Variants in KIAA0319L observed in about 807,000 individuals in gnomAD.
The protein encoded by KIAA0319L is KIAA0319 like.
Under a neutral mutation model 120.1 loss-of-function variants are expected in KIAA0319L, and 55 were observed. That is an observed-to-expected ratio of 0.46 (90% CI 0.37 to 0.57). The LOEUF (loss-of-function observed/expected upper bound fraction) is 0.57. Ranked by LOEUF, KIAA0319L falls within the 20% of genes least tolerant of loss-of-function variation. The pLI is 0.00. For synonymous variants in KIAA0319L, 398 were observed against 471.9 expected, an observed-to-expected ratio of 0.84 and a Z score of 2.03; for missense variants, 1,049 against 1,255.3, an observed-to-expected ratio of 0.84 and a Z score of 2.48.
intron 13 of KIAA0319L, 121 bp from the exon 14 acceptor site, chr1:35,450,630 G>T: frequency 2.3e-6 from 2 of 872,006 alleles, no homozygotes; most frequent in Non-Finnish European, 3.5e-6. Context: ...CTTTTTAAGT[G>T]CCTGTCCCTG....
At chr1:35,462,353 T>C (rs533325333) in intron 8 of KIAA0319L, among the ~76,000 whole-genome samples, 6 of 152,204 alleles carry the variant, frequency 3.9e-5, no homozygotes, top group Non-Finnish European at 7.3e-5. Flanking sequence ...ACTAAAATCA[T>C]GCTAATTACA....
chr1:35,503,488 T>C (rs1406284405), intron 3 of KIAA0319L, among the ~76,000 whole-genome samples: 2 of 152,248 alleles, frequency 1.3e-5, no homozygotes, highest in Non-Finnish European at 2.9e-5. Flanking sequence ...GGCAATCTTT[T>C]TTATTTCCAT....
chr1:35,537,705 G>A (rs562253924), intron 2 of KIAA0319L, among the ~76,000 whole-genome samples: 4 of 148,962 alleles, frequency 2.7e-5, no homozygotes, highest in South Asian at 2.1e-4. Context: ...TAAATATCTC[G>A]AACCACTTTT....
chr1:35,443,619 G>A (rs1641390930), intron 17 of KIAA0319L, among the ~76,000 whole-genome samples: 1 of 152,064 alleles, frequency 6.6e-6, no homozygotes, highest in South Asian at 2.1e-4. Flanking sequence ...GTTGCAGTGA[G>A]CTGAGATTAC....
At chr1:35,484,789 TATATATATATA>T (rs1285456507) in intron 3 of KIAA0319L, among the ~76,000 whole-genome samples, 11 of 67,692 alleles carry the variant, frequency 1.6e-4, no homozygotes, top group East Asian at 9.0e-4. Context: ...TATATATATA[TATATATATATA>T]TATATATTTT....
intron 8 of KIAA0319L, among the ~76,000 whole-genome samples, chr1:35,460,881 T>A (rs974410560): frequency 2.6e-5 from 4 of 152,226 alleles, no homozygotes; most frequent in African/African-American, 9.6e-5. Flanking sequence ...AAGCATAAAC[T>A]GACACAACCT....
chr1:35,555,111 TACGTCAGGC>T (rs1647763438), intron 1 of KIAA0319L: 2 of 152,162 alleles, frequency 1.3e-5, no homozygotes, highest in Non-Finnish European at 2.9e-5. Context: ...AACAGATACT[TACGTCAGGC>T]ACTATGCTGG....
intron 2 of KIAA0319L, among the ~76,000 whole-genome samples, chr1:35,516,366 T>G (rs181850583): frequency 6.6e-6 from 1 of 152,316 alleles, no homozygotes; most frequent in Admixed American, 6.5e-5. Context: ...TCAACTGGGC[T>G]TCATCCCCAG....
chr1:35,484,548 T>C (rs1380609531), intron 3 of KIAA0319L, among the ~76,000 whole-genome samples: 1 of 152,118 alleles, frequency 6.6e-6, no homozygotes, highest in Non-Finnish European at 1.5e-5. Flanking sequence ...ATGCAGATTC[T>C]TTAGAATTTT....
At chr1:35,490,876 T>A (rs1445667059) in intron 3 of KIAA0319L, among the ~76,000 whole-genome samples, 1 of 152,118 alleles carries the variant, frequency 6.6e-6, no homozygotes, top group Non-Finnish European at 1.5e-5. Flanking sequence ...GATCTGATGG[T>A]TTAAAAGTGT....
At position 35,506,814 on chromosome 1, in the gene KIAA0319L, C is replaced by T. The variant is rs780497193; in HGVS notation, c.464G>A (p.Gly155Asp). The change falls in exon 3 of 21, where the codon GGT becomes GAT. Residue 155 changes from glycine (G) to aspartate (D), a missense_variant. Gly to Asp is a moderately conservative substitution (Grantham distance 94). Transcript: ENST00000325722. The surrounding 1 kb of genome is among the most constrained non-coding windows in gnomAD (Gnocchi z 4.0). ...CTGCCTCCAAGATGCCCAGTTCCAA[C>T]CTAGCCCCAGAAGATGTGGTACATC... ...EDDVPHLLGLGWNWASWRQSP... is the reference protein window; with the variant it reads ...EDDVPHLLGLDWNWASWRQSP... The T allele has an allele frequency of 4.3e-6, 7 of 1,614,216 alleles. No individual in the cohort carries two copies. The highest frequency in any genetic ancestry group is 5.9e-6 in the Non-Finnish European group (7 of 1,180,026).
chr1:35,496,900 T>C (rs769343722), intron 3 of KIAA0319L, among the ~76,000 whole-genome samples: 3 of 127,708 alleles, frequency 2.3e-5, no homozygotes, highest in Non-Finnish European at 4.6e-5. Context: ...AGAGCAGAAA[T>C]AGTGCCACTG....
chr1:35,506,527 G>C lies in KIAA0319L; in HGVS notation c.666+85C>G. Reference sequence around the variant, plus strand: ...ACTCCTCAGCCTATGAGCACTGCCCGCAAGCATCAGCTTCATTGCTCATAT... The same window carrying C: ...ACTCCTCAGCCTATGAGCACTGCCCCCAAGCATCAGCTTCATTGCTCATAT... On this transcript the variant is annotated intron_variant, in intron 3 of 20. Transcript: ENST00000325722. The surrounding 1 kb of genome is among the most constrained non-coding windows in gnomAD (Gnocchi z 4.0). 7.5e-7 allele frequency: 1 copy of C among 1,334,282 alleles called. No homozygotes were observed. The highest frequency in any genetic ancestry group is 2.3e-5 in the East Asian group (1 of 43,378). The allele number at this position is 1,334,282 out of a possible 1,614,324, so 82.7% of individuals were successfully genotyped here.
chr1:35,443,697 TA>T (rs1641399314), intron 17 of KIAA0319L, among the ~76,000 whole-genome samples: 2 of 151,862 alleles, frequency 1.3e-5, no homozygotes, highest in Admixed American at 1.3e-4. Context: ...AATAAATAAA[TA>T]AATAAATAAG....
At chr1:35,489,049 C>A (rs932752183) in intron 3 of KIAA0319L, among the ~76,000 whole-genome samples, 7 of 152,104 alleles carry the variant, frequency 4.6e-5, no homozygotes, top group Admixed American at 4.6e-4. Flanking sequence ...GCATCAAGTT[C>A]TGAGACTGAA....
chr1:35,514,292 G>A lies in KIAA0319L; in HGVS notation c.143-7157C>T, dbSNP rs7551971. Among the ~76,000 whole-genome samples the A allele has an allele frequency of 6.7e-3, 1,007 of 151,338 alleles. 13 individuals carry two copies. Among genetic ancestry groups the A allele is most frequent in the African/African-American group, 0.023 (956 of 41,108 alleles). ...GTCTATAAATGGGCAAGAGATGAAA[G>A]TAAACACATATGAAATCAACAAACA... On this transcript the variant is annotated intron_variant, in intron 2 of 20. Transcript: ENST00000325722.
Position 35,549,492 on chromosome 1 carries a change from G to A in KIAA0319L, c.142+4858C>T, listed in dbSNP as rs989857379. ...TAATTTATCTCTGTACTCAAAATAC[G>A]TATTAACTAACTGTATAATCTCCTT... is the stretch of plus-strand genomic sequence containing the variant. On this transcript the variant is annotated intron_variant, in intron 2 of 20. Coordinates refer to ENST00000325722, the MANE Select transcript of KIAA0319L (RefSeq NM_024874.5). Among the ~76,000 whole-genome samples, 13 of 152,230 alleles carry A rather than the reference G, an allele frequency of 8.5e-5. No individual in the cohort carries two copies. In the East Asian group the frequency reaches 1.9e-3, roughly 23 times the overall value.
chr1:35,474,153 T>C (rs760957287), intron 5 of KIAA0319L, among the ~76,000 whole-genome samples: 32 of 152,306 alleles, frequency 2.1e-4, no homozygotes, highest in Non-Finnish European at 4.0e-4. Flanking sequence ...CCTGTGAGGA[T>C]AGGATATAAC....
At position 35,454,391 on chromosome 1, in the gene KIAA0319L, G is replaced by C; in HGVS notation, c.1751C>G (p.Thr584Ser). ...TVTDTIGQQA[T>S]AQVTVIVQPE... ...TTGCACAATAACAGTCACTTGAGCA[G>C]TGGCCTGCTGTCCTATTGTGTCAGT... The change falls in exon 11 of 21, where the codon ACT becomes AGT. Residue 584 changes from threonine to serine, a missense_variant. By Grantham distance (58) the Thr-to-Ser change is moderately conservative. Transcript: ENST00000325722. 6.2e-7 allele frequency: 1 copy of C among 1,614,102 alleles called. No individual in the cohort carries two copies. Among genetic ancestry groups the C allele is most frequent in the Non-Finnish European group, 8.5e-7 (1 of 1,179,952 alleles).
Sources: allele counts gnomAD v4.1 joint callset (sites outside exome capture counted in the v4.1 genomes callset), GRCh38; gene constraint gnomAD v4.1.1; non-coding constraint Gnocchi (gnomAD v3.1); transcripts MANE v1.5; gene names NCBI Gene and HGNC (gene_info 2026-07-23, HGNC 2026-07-21).